The following PIGL variants were observed in gnomAD, a reference collection of about 807,000 sequenced individuals.
The protein encoded by PIGL is phosphatidylinositol glycan anchor biosynthesis class L, also known as N-acetylglucosaminyl-phosphatidylinositol de-N-acetylase.
Under a neutral mutation model 31.1 loss-of-function variants are expected in PIGL, and 22 were observed. The ratio of observed to expected loss-of-function variants is 0.71; its 90% CI spans 0.51 to 1.01. The LOEUF is 1.01. Ranked by LOEUF, PIGL falls within the 50% of genes least tolerant of loss-of-function variation. PIGL has a pLI of 0.00. For missense variants in PIGL, 302 were observed against 315.9 expected, an observed-to-expected ratio of 0.96 and a Z score of 0.33; for synonymous variants, 131 against 117.4, an observed-to-expected ratio of 1.12 and a Z score of -0.75.
At chr17:16,237,849 G>A (rs2092705986) in intron 2 of PIGL, among the ~76,000 whole-genome samples, 1 of 148,490 alleles carries the variant, frequency 6.7e-6, no homozygotes, top group African/African-American at 2.5e-5. Context: ...CTGTCACACT[G>A]AAAGTCCTTT....
intron 2 of PIGL, among the ~76,000 whole-genome samples, chr17:16,295,742 G>A (rs2092979189): frequency 6.6e-6 from 1 of 152,070 alleles, no homozygotes; most frequent in African/African-American, 2.4e-5. Context: ...AGGAGTTTGA[G>A]ACCAGCCTGG....
chr17:16,275,683 T>C (rs1285153471), intron 2 of PIGL, among the ~76,000 whole-genome samples: 3 of 152,082 alleles, frequency 2.0e-5, no homozygotes, highest in Non-Finnish European at 2.9e-5. Context: ...TATTACTGCC[T>C]ATTAGGGTCT....
intron 1 of PIGL, 172 bp downstream of exon 1, chr17:16,217,633 G>T (rs1284717020): frequency 1.7e-5 from 9 of 531,456 alleles, no homozygotes; most frequent in South Asian, 6.0e-5. Context: ...CGGCTTACCT[G>T]GTGGGTTGGG....
intron 1 of PIGL, 170 bp downstream of exon 1, chr17:16,217,631 C>CTACA: frequency 1.8e-6 from 1 of 542,320 alleles, no homozygotes; most frequent in South Asian, 2.9e-5. Flanking sequence ...GCCGGCTTAC[C>CTACA]TGGTGGGTTG....
At chr17:16,290,418 G>A (rs549920573) in intron 2 of PIGL, among the ~76,000 whole-genome samples, 3 of 149,400 alleles carry the variant, frequency 2.0e-5, no homozygotes, top group Non-Finnish European at 4.5e-5. Flanking sequence ...TTTGAGACAG[G>A]GTCTCATTCT....
At chr17:16,220,270 C>G (rs1391373460) in intron 1 of PIGL, among the ~76,000 whole-genome samples, 2 of 151,786 alleles carry the variant, frequency 1.3e-5, no homozygotes, top group African/African-American at 4.8e-5. Context: ...ATCACTTGAA[C>G]CCAGGAGGCG....
intron 6 of PIGL, 96 bp from the exon 7 acceptor site, chr17:16,325,704 T>C: frequency 2.2e-6 from 2 of 896,920 alleles, no homozygotes; most frequent in Non-Finnish European, 3.7e-6. Flanking sequence ...AGCATATTAG[T>C]TCGAGGAAGG....
intron 1 of PIGL, among the ~76,000 whole-genome samples, chr17:16,219,407 C>G (rs2092615736): frequency 6.6e-6 from 1 of 151,998 alleles, no homozygotes; most frequent in East Asian, 1.9e-4. Context: ...CCCCCAAAAA[C>G]CTTTGTTACC....
intron 2 of PIGL, among the ~76,000 whole-genome samples, chr17:16,238,068 C>T (rs1024978208): frequency 6.6e-5 from 10 of 151,432 alleles, no homozygotes; most frequent in South Asian, 2.1e-4. Flanking sequence ...TGGAGGCACG[C>T]GCCTGTAATC....
chr17:16,294,946 G>A lies in PIGL; in HGVS notation c.336-4942G>A, dbSNP rs571591856. 4.6e-5 allele frequency among the ~76,000 whole-genome samples: 7 copies of A among 152,210 alleles called. No individual in the cohort carries two copies. In the East Asian group the frequency reaches 5.8e-4, roughly 13 times the overall value. On this transcript the variant is annotated intron_variant, in intron 2 of 6. Transcript: ENST00000225609. ...CCCTTCTGCTGTGGCCAGTCTCTGC[G>A]TTGTTTCACTGTTTCCTGTTTGGCC...
At chr17:16,268,362 T>C (rs1210123151) in intron 2 of PIGL, among the ~76,000 whole-genome samples, 1 of 124,866 alleles carries the variant, frequency 8.0e-6, no homozygotes, top group Admixed American at 8.5e-5. Context: ...CTGTTGCCAC[T>C]TCCTCTTCCT....
chr17:16,253,641 G>A (rs1000647087), intron 2 of PIGL, among the ~76,000 whole-genome samples: 1 of 151,846 alleles, frequency 6.6e-6, no homozygotes, highest in Non-Finnish European at 1.5e-5. Flanking sequence ...CTCTATTCTT[G>A]TAACAAAAAT....
In PIGL at chr17:16,217,388, C is replaced by T; in HGVS notation, c.162C>T (p.Ala54=). The T allele has an allele frequency of 4.3e-6, 7 of 1,614,224 alleles. No homozygotes were observed. The highest frequency in any genetic ancestry group is 5.9e-6 in the Non-Finnish European group (7 of 1,180,046). ...LLVIAHPDDE[A]MFFAPTVLGL... is the part of the protein sequence containing the mutation. Reference sequence around the variant, plus strand: ...TCATAGCGCACCCTGACGATGAAGCCATGTTTTTTGCTCCCACAGTGCTAG... The same window carrying T: ...TCATAGCGCACCCTGACGATGAAGCTATGTTTTTTGCTCCCACAGTGCTAG... Residue 54 remains alanine, a synonymous_variant, in exon 1 of 7, where the codon GCC becomes GCT. Coordinates refer to ENST00000225609, the MANE Select transcript of PIGL (RefSeq NM_004278.4).
At chr17:16,264,568 TAAGTCA>T (rs1346383143) in intron 2 of PIGL, among the ~76,000 whole-genome samples, 2 of 151,938 alleles carry the variant, frequency 1.3e-5, no homozygotes, top group African/African-American at 2.4e-5. Context: ...ATGTAACCTT[TAAGTCA>T]AACTAGTCTT....
At chr17:16,274,683 A>G (rs909680860) in intron 2 of PIGL, among the ~76,000 whole-genome samples, 5 of 151,626 alleles carry the variant, frequency 3.3e-5, no homozygotes, top group African/African-American at 7.3e-5. Flanking sequence ...AGATAGCCCC[A>G]TGGCACTCTA....
At chr17:16,300,423 G>A (rs1029921481) in intron 3 of PIGL, among the ~76,000 whole-genome samples, 1 of 152,186 alleles carries the variant, frequency 6.6e-6, no homozygotes. Flanking sequence ...GCTCATGCCT[G>A]TAATCCCAGC....
At chr17:16,232,846 G>T (rs573689240) in intron 1 of PIGL, among the ~76,000 whole-genome samples, 1 of 151,944 alleles carries the variant, frequency 6.6e-6, no homozygotes, top group African/African-American at 2.4e-5. Flanking sequence ...TTTGCTGGGC[G>T]CAGTGGCTCA....
chr17:16,282,222 G>C (rs1416675056), intron 2 of PIGL: 2 of 351,776 alleles, frequency 5.7e-6, no homozygotes, highest in African/African-American at 4.2e-5. Context: ...TTTTCTGGGT[G>C]TGAGAGGAAT....
rs34243048 is a variant in PIGL at position 16,218,677 on chromosome 17, CTT to C, written c.235+1234_235+1235del. On this transcript the variant is annotated intron_variant, in intron 1 of 6. Coordinates refer to ENST00000225609, the MANE Select transcript of PIGL (RefSeq NM_004278.4). ...CCCAAAAACAAAATGCCAACTTACT[CTT>C]TTTTTTTTTTTTTTTTTCTGAGATA... is the stretch of plus-strand genomic sequence containing the variant. 3.8e-3 allele frequency among the ~76,000 whole-genome samples: 483 copies of C among 127,640 alleles called. 2 individuals carry two copies. Among genetic ancestry groups the C allele is most frequent in the African/African-American group, 0.014 (470 of 34,224 alleles). The allele number at this position is 127,640 out of a possible 152,430, so 83.7% of individuals were successfully genotyped here. A position where few individuals can be genotyped will look rare whatever the true frequency, so the allele number is the denominator to read the frequency against.
Sources: gnomAD v4.1 joint callset for allele counts (sites outside exome capture counted in the v4.1 genomes callset) on GRCh38, gnomAD v4.1.1 for gene constraint, MANE v1.5 for transcripts, NCBI Gene and HGNC (gene_info 2026-07-23, HGNC 2026-07-21) for gene names.